Variants in NCAM1 observed in about 807,000 individuals in gnomAD.
NCAM1 encodes neural cell adhesion molecule 1.
A neutral mutation model predicts 109.8 loss-of-function variants in NCAM1; 14 were observed. That is an observed-to-expected ratio of 0.13 (90% CI 0.08 to 0.20). The LOEUF is 0.20. Ranked by LOEUF, NCAM1 falls within the 10% of genes least tolerant of loss-of-function variation. NCAM1 has a pLI of 1.00. For synonymous variants in NCAM1, 418 were observed against 442.9 expected (o/e 0.94, Z 0.70); for missense variants, 774 against 1,109.9 (o/e 0.70, Z 4.30).
intron 1 of NCAM1, among the ~76,000 whole-genome samples, chr11:113,038,674 C>T (rs7947502): frequency 0.47 from 71,277 of 151,950 alleles, 17,857 homozygotes; most frequent in Middle Eastern, 0.63. Flanking sequence ...ATTTTGGGAG[C>T]GTTGGATTTA....
intron 1 of NCAM1, among the ~76,000 whole-genome samples, chr11:113,118,428 A>G (rs551653387): frequency 1.3e-5 from 2 of 152,094 alleles, no homozygotes; most frequent in Admixed American, 1.3e-4. Context: ...GGACTTAAGA[A>G]GTTTTAGCTG....
intron 1 of NCAM1, among the ~76,000 whole-genome samples, chr11:113,097,220 G>A (rs1024118484): frequency 6.6e-6 from 1 of 152,096 alleles, no homozygotes; most frequent in Non-Finnish European, 1.5e-5. Context: ...GCAGGCCTTG[G>A]GCCACTTGGT....
At chr11:113,199,829 T>TTAAAAAA (rs60389510) in intron 1 of NCAM1, among the ~76,000 whole-genome samples, 1 of 115,766 alleles carries the variant, frequency 8.6e-6, no homozygotes, top group Non-Finnish European at 1.7e-5. Flanking sequence ...GAAACACCCT[T>TTAAAAAA]AAAAAAAAAA....
intron 1 of NCAM1, among the ~76,000 whole-genome samples, chr11:113,005,203 C>T (rs1483889431): frequency 3.3e-5 from 5 of 152,050 alleles, no homozygotes; most frequent in African/African-American, 1.2e-4. Flanking sequence ...GGTCAGTTAG[C>T]CTAATTAGTA....
At chr11:113,144,354 T>C (rs1941936992) in intron 1 of NCAM1, among the ~76,000 whole-genome samples, 1 of 152,202 alleles carries the variant, frequency 6.6e-6, no homozygotes, top group African/African-American at 2.4e-5. Context: ...AGGTGTGCAC[T>C]TAGTTTATAT....
chr11:113,046,539 C>T (rs1368711501), intron 1 of NCAM1, among the ~76,000 whole-genome samples: 1 of 152,154 alleles, frequency 6.6e-6, no homozygotes, highest in African/African-American at 2.4e-5. Flanking sequence ...AACAGGAGGG[C>T]CAAAGGTACC....
chr11:113,105,969 G>GT (rs1441546113), intron 1 of NCAM1, among the ~76,000 whole-genome samples: 2 of 151,956 alleles, frequency 1.3e-5, no homozygotes, highest in East Asian at 1.9e-4. Context: ...TGTTAATATC[G>GT]TTTTGTCATC....
intron 1 of NCAM1, among the ~76,000 whole-genome samples, chr11:113,064,937 G>C (rs1937877685): frequency 6.6e-6 from 1 of 152,068 alleles, no homozygotes; most frequent in African/African-American, 2.4e-5. Flanking sequence ...TTTCTTTCCA[G>C]CTGAGAGGGC....
At chr11:112,964,357 T>A (rs1950674653) in intron 1 of NCAM1, among the ~76,000 whole-genome samples, 2 of 152,122 alleles carry the variant, frequency 1.3e-5, no homozygotes, top group Non-Finnish European at 2.9e-5. Context: ...CATAGTAAAT[T>A]TGAGTTTATT....
At chr11:112,978,597 C>T (rs1234823013) in intron 1 of NCAM1, among the ~76,000 whole-genome samples, 9 of 151,838 alleles carry the variant, frequency 5.9e-5, no homozygotes, top group Middle Eastern at 3.2e-3. Context: ...TTTTCCTGAT[C>T]TCCTAGTTCT....
intron 1 of NCAM1, among the ~76,000 whole-genome samples, chr11:113,177,493 G>C (rs1033376017): frequency 3.3e-5 from 5 of 152,158 alleles, no homozygotes; most frequent in African/African-American, 1.2e-4. Flanking sequence ...GAGTGCAGTG[G>C]CACGACCTCA....
At chr11:113,138,486 A>G (rs1216988219) in intron 1 of NCAM1, among the ~76,000 whole-genome samples, 1 of 152,212 alleles carries the variant, frequency 6.6e-6, no homozygotes, top group Non-Finnish European at 1.5e-5. Context: ...CCCCGTCACT[A>G]TTAGCAGGAA....
chr11:113,066,804 T>C (rs965615139), intron 1 of NCAM1, among the ~76,000 whole-genome samples: 4 of 151,664 alleles, frequency 2.6e-5, no homozygotes, highest in Admixed American at 1.3e-4. Flanking sequence ...ATCGAGACCA[T>C]CCTGGCTAAC....
chr11:113,045,621 T>C lies in NCAM1; in HGVS notation c.52+83957T>C, dbSNP rs1248232220. On this transcript the variant is annotated intron_variant, in intron 1 of 19. Transcript: ENST00000316851. ...AATCTGAGGTTCTTAAATGCCATTA[T>C]GCATTATTTATACTTCCTGATACGA... 4.6e-5 allele frequency among the ~76,000 whole-genome samples: 7 copies of C among 152,364 alleles called. No homozygotes were observed. The East Asian group carries it at 1.2e-3, about 25-fold the overall frequency.
At position 113,207,877 on chromosome 11, in the gene NCAM1, T is replaced by A; in HGVS notation, c.791T>A (p.Ile264Asn). ...CAAGAGGAAGACGATGAGAAGTACA[T>A]CTTCAGCGACGATAGTTCCCAGCTG... The part of the protein sequence containing the change: ...IEQEEDDEKY[I>N]FSDDSSQLTI... The change falls in exon 7 of 20, where the codon ATC becomes AAC. Residue 264 changes from isoleucine to asparagine, a missense_variant. Ile to Asn is a moderately radical substitution (Grantham distance 149, BLOSUM62 -3). Transcript: ENST00000316851. The A allele has an allele frequency of 6.2e-7, 1 of 1,611,732 alleles. No individual in the cohort carries two copies. The highest frequency in any genetic ancestry group is 8.5e-7 in the Non-Finnish European group (1 of 1,179,026).
rs1390072590 is a variant in NCAM1 at position 113,256,009 on chromosome 11, G to C, written c.1953+8G>C. The C allele has an allele frequency of 6.3e-7, 1 of 1,593,558 alleles. No individual in the cohort carries two copies. Among genetic ancestry groups the C allele is most frequent in the Non-Finnish European group, 8.5e-7 (1 of 1,170,054 alleles). On this transcript the variant is annotated splice_region_variant and intron_variant, in intron 16 of 19. Transcript: ENST00000316851. The stretch of plus-strand genomic sequence containing the variant: ...CTGGTCAGGTACCGAGCGGTGAGTG[G>C]CCTCCTTCTCAGACTTCACCAGAAC...
intron 1 of NCAM1, among the ~76,000 whole-genome samples, chr11:112,990,398 C>T (rs1451509140): frequency 1.3e-5 from 2 of 152,166 alleles, no homozygotes; most frequent in African/African-American, 4.8e-5. Context: ...CAGGAAGGCA[C>T]GTCTCCATCT....
At chr11:113,222,142 TG>T (rs1220712579) in intron 9 of NCAM1, among the ~76,000 whole-genome samples, 1 of 152,224 alleles carries the variant, frequency 6.6e-6, no homozygotes, top group East Asian at 1.9e-4. Flanking sequence ...GGACTTCAGA[TG>T]AGATTCAAGG....
chr11:113,134,706 C>T (rs1157122217), intron 1 of NCAM1, among the ~76,000 whole-genome samples: 1 of 152,144 alleles, frequency 6.6e-6, no homozygotes, highest in East Asian at 1.9e-4. Flanking sequence ...AGCACATGTT[C>T]CCCCTGCAGT....
Sources: allele counts gnomAD v4.1 joint callset (sites outside exome capture counted in the v4.1 genomes callset), GRCh38; gene constraint gnomAD v4.1.1; transcripts MANE v1.5; gene names NCBI Gene and HGNC (gene_info 2026-07-23, HGNC 2026-07-21).